The following SERPINA11 variants were observed in gnomAD, a reference collection of about 807,000 sequenced individuals.
SERPINA11 encodes the protein serpin family A member 11, also known as serpin A11.
SERPINA11 carries 28 observed loss-of-function variants against 29.4 expected under a neutral mutation model. The observed-to-expected ratio is 0.95, with a 90% confidence interval of 0.70 to 1.30. The LOEUF is 1.30. Among genes scored for constraint, SERPINA11 ranks in the 50% most tolerant of loss-of-function variants. The probability of loss-of-function intolerance (pLI) is 0.00; values close to 1 mark genes in which losing one functional copy is unlikely to be tolerated. For missense variants in SERPINA11, 530 were observed against 507.3 expected (o/e 1.04, Z -0.43); for synonymous variants, 253 against 206.6 (o/e 1.22, Z -1.92).
At chr14:94,443,650 C>G (rs1357049888) in intron 3 of SERPINA11, among the ~76,000 whole-genome samples, 1 of 152,180 alleles carries the variant, frequency 6.6e-6, no homozygotes, top group Non-Finnish European at 1.5e-5. Context: ...TGAACTAGGT[C>G]CTAAATCCAC....
intron 3 of SERPINA11, among the ~76,000 whole-genome samples, chr14:94,443,606 C>A (rs1042615640): frequency 6.6e-6 from 1 of 152,220 alleles, no homozygotes; most frequent in Non-Finnish European, 1.5e-5. Context: ...ACTTCCGTAT[C>A]TGATGCATCA....
At chr14:94,448,883 C>T in intron 1 of SERPINA11, 106 bp from the exon 2 acceptor site, 2 of 1,028,494 alleles carry the variant, frequency 1.9e-6, no homozygotes, top group Non-Finnish European at 2.7e-6. Context: ...CACAGGGCTG[C>T]CATGAGGGGC....
chr14:94,442,959 TTAAA>T, intron 4 of SERPINA11, 115 bp downstream of exon 4: 1 of 1,329,554 alleles, frequency 7.5e-7, no homozygotes, highest in South Asian at 1.4e-5. Context: ...GACTGTGGTA[TTAAA>T]TAGTCTGCAC....
chr14:94,452,047 T>C (rs1036341493), intron 1 of SERPINA11, among the ~76,000 whole-genome samples: 8 of 152,082 alleles, frequency 5.3e-5, no homozygotes, highest in South Asian at 4.2e-4. Context: ...AGGTGACATT[T>C]TGGATCAGCT....
chr14:94,448,812 C>T, intron 1 of SERPINA11, 35 bp from the exon 2 acceptor site: 8 of 1,494,968 alleles, frequency 5.4e-6, no homozygotes, highest in South Asian at 4.4e-5. Flanking sequence ...CACTTTTCTC[C>T]ATAAATAATG....
rs1046850492 is a variant in SERPINA11 at position 94,442,922 on chromosome 14, G to A, written c.1066-113C>T. The A allele has an allele frequency of 6.3e-6, 8 of 1,269,772 alleles. No homozygotes were observed. In the Admixed American group the frequency reaches 1.6e-4, roughly 26 times the overall value. The allele number at this position is 1,269,772 out of a possible 1,614,324, so 78.7% of individuals were successfully genotyped here. On this transcript the variant is annotated intron_variant, in intron 4 of 4. Transcript: ENST00000334708. ...ACCTAAGGAAGGGGAGGTAGAGAAG[G>A]AAAAGCCCATGAAGAGATGCCTTAA...
chr14:94,445,730 A>G (rs1898422913), intron 3 of SERPINA11, among the ~76,000 whole-genome samples: 1 of 142,344 alleles, frequency 7.0e-6, no homozygotes, highest in African/African-American at 2.5e-5. Context: ...CAACATGTCC[A>G]GCTATATATG....
intron 2 of SERPINA11, 134 bp downstream of exon 2, chr14:94,447,998 G>A (rs534444203): frequency 4.9e-5 from 42 of 850,228 alleles, no homozygotes; most frequent in East Asian, 3.2e-4. Context: ...CTGTGGCTAC[G>A]CAAGGGTGGG....
intron 1 of SERPINA11, among the ~76,000 whole-genome samples, 188 bp from the exon 2 acceptor site, chr14:94,448,965 A>G (rs1407437567): frequency 6.6e-6 from 1 of 152,168 alleles, no homozygotes; most frequent in Non-Finnish European, 1.5e-5. Flanking sequence ...GAAGGTAGCA[A>G]CCCTTTATCT....
At chr14:94,449,999 G>A (rs539933679) in intron 1 of SERPINA11, among the ~76,000 whole-genome samples, 2 of 152,180 alleles carry the variant, frequency 1.3e-5, no homozygotes, top group African/African-American at 4.8e-5. Flanking sequence ...GGCGATGTGA[G>A]GATCGGCCAT....
intron 1 of SERPINA11, among the ~76,000 whole-genome samples, chr14:94,449,397 T>TTTCTA (rs1491463194): frequency 9.5e-5 from 3 of 31,728 alleles, no homozygotes; most frequent in African/African-American, 4.0e-4. Context: ...TCCCTCTTTC[T>TTTCTA]TTCTTTCTAT....
chr14:94,447,088 T>C (rs1898457535), intron 2 of SERPINA11, among the ~76,000 whole-genome samples: 1 of 152,172 alleles, frequency 6.6e-6, no homozygotes, highest in Non-Finnish European at 1.5e-5. Context: ...AACAACCTTC[T>C]ACAGAGACGC....
chr14:94,449,425 CTT>C (rs1197109742), intron 1 of SERPINA11, among the ~76,000 whole-genome samples: 2 of 90,572 alleles, frequency 2.2e-5, no homozygotes, highest in Admixed American at 2.3e-4. Flanking sequence ...TTCTTTCTTT[CTT>C]TCTTTCTTTC....
At chr14:94,444,604 G>C (rs1436031495) in intron 3 of SERPINA11, among the ~76,000 whole-genome samples, 1 of 152,118 alleles carries the variant, frequency 6.6e-6, no homozygotes, top group African/African-American at 2.4e-5. Flanking sequence ...CAACTGACTA[G>C]AGCCGTGGAG....
At chr14:94,447,993 G>T (rs1290399837) in intron 2 of SERPINA11, 139 bp downstream of exon 2, 8 of 808,794 alleles carry the variant, frequency 9.9e-6, no homozygotes, top group Middle Eastern at 7.4e-4. Flanking sequence ...ATGGACTGTG[G>T]CTACGCAAGG....
At chr14:94,447,183 C>T (rs1463767926) in intron 2 of SERPINA11, among the ~76,000 whole-genome samples, 1 of 152,202 alleles carries the variant, frequency 6.6e-6, no homozygotes, top group East Asian at 1.9e-4. Flanking sequence ...AATAAAATGT[C>T]ATGCATTAGG....
intron 1 of SERPINA11, among the ~76,000 whole-genome samples, chr14:94,449,233 C>T (rs572374348): frequency 2.6e-5 from 4 of 151,972 alleles, no homozygotes; most frequent in South Asian, 2.1e-4. Context: ...TTCCTGTAGT[C>T]GCTGAGGTGG....
At chr14:94,449,405 T>TTTTCTTTC (rs766382606) in intron 1 of SERPINA11, among the ~76,000 whole-genome samples, 1 of 55,168 alleles carries the variant, frequency 1.8e-5, no homozygotes, top group African/African-American at 5.3e-5. Flanking sequence ...TCTTTCTTTC[T>TTTTCTTTC]ATTCTTTCTT....
rs768375547 is a variant in SERPINA11 at position 94,448,427 on chromosome 14, G to A, written c.348C>T (p.His116=). 66 of 1,614,056 alleles carry A rather than the reference G, an allele frequency of 4.1e-5. No individual in the cohort carries two copies. Among genetic ancestry groups the A allele is most frequent in the Non-Finnish European group, 5.3e-5 (63 of 1,180,042 alleles). Residue 116 remains histidine (H), a synonymous_variant, in exon 2 of 5, where the codon CAC becomes CAT. Coordinates refer to ENST00000334708, the MANE Select transcript of SERPINA11 (RefSeq NM_001080451.2). ...NLTETPEADI[H]QGFRSLLHTL... is the part of the protein sequence containing the mutation. ...TGTGGAGGAGGCTCCGGAAGCCCTG[G>A]TGGATGTCGGCTTCAGGGGTTTCTG...
Sources: gnomAD v4.1 joint callset for allele counts (sites outside exome capture counted in the v4.1 genomes callset) on GRCh38, gnomAD v4.1.1 for gene constraint, MANE v1.5 for transcripts, NCBI Gene and HGNC (gene_info 2026-07-23, HGNC 2026-07-21) for gene names.